The following ZIK1 variants were observed in gnomAD, a reference collection of about 807,000 sequenced individuals.
ZIK1 encodes the protein zinc finger protein interacting with K protein 1.
In ZIK1, 12 loss-of-function variants were observed where a neutral mutation model predicts 10.7. The observed-to-expected ratio is 1.12, with a 90% CI of 0.72 to 1.81. The LOEUF is 1.81. Ranked by LOEUF, ZIK1 falls within the 40% of genes most tolerant of loss-of-function variation. ZIK1 has a pLI of 0.00. For synonymous variants in ZIK1, 190 were observed against 205.0 expected (o/e 0.93, Z 0.63); for missense variants, 497 against 585.7 (o/e 0.85, Z 1.56).
chr19:57,587,004 G>T (rs1979217513), intron 2 of ZIK1, among the ~76,000 whole-genome samples: 1 of 152,172 alleles, frequency 6.6e-6, no homozygotes, highest in East Asian at 1.9e-4. Context: ...GGCTGGGGAG[G>T]CCTCACAATC....
chr19:57,587,988 G>A (rs1043538043), intron 2 of ZIK1, among the ~76,000 whole-genome samples: 1 of 152,114 alleles, frequency 6.6e-6, no homozygotes, highest in Non-Finnish European at 1.5e-5. Flanking sequence ...CTGACATCAG[G>A]TGATTCTTGG....
chr19:57,588,787 C>A, intron 3 of ZIK1, 122 bp downstream of exon 3: 1 of 1,117,870 alleles, frequency 8.9e-7, no homozygotes, highest in Non-Finnish European at 1.2e-6. Flanking sequence ...AGCCCTAACA[C>A]CTGCTGCCCA....
At position 57,590,702 on chromosome 19, in the gene ZIK1, C is replaced by T. The variant is rs778812357; in HGVS notation, c.891C>T (p.Cys297=). ...ACACCGGAGAAAGGCCTTATGAGTG[C>T]AGCGAATGTGGAAAATTATTTAGAC... is the stretch of plus-strand genomic sequence containing the variant. The part of the protein sequence containing the change: ...RIHTGERPYE[C]SECGKLFRQN... Residue 297 remains cysteine, a synonymous_variant, in exon 4 of 4, where the codon TGC becomes TGT. Coordinates refer to ENST00000597850, the MANE Select transcript of ZIK1 (RefSeq NM_001010879.4). 1.2e-6 allele frequency: 2 copies of T among 1,613,974 alleles called. No homozygotes were observed. The highest frequency in any genetic ancestry group is 1.6e-4 in the Middle Eastern group (1 of 6,062).
In ZIK1 at chr19:57,590,450, A is replaced by G. The variant is rs1979568945; in HGVS notation, c.639A>G (p.Ser213=). ...DIRSQKSHYK[S]GECGKASRHK... is the part of the protein sequence containing the mutation. ...GCAGTCAAAAAAGTCATTACAAGTC[A>G]GGTGAATGTGGGAAGGCTTCCAGGC... Residue 213 remains serine (S), a synonymous_variant, in exon 4 of 4, where the codon TCA becomes TCG. Transcript: ENST00000597850. 6.2e-7 allele frequency: 1 copy of G among 1,614,058 alleles called. No individual in the cohort carries two copies. The highest frequency in any genetic ancestry group is 1.3e-5 in the African/African-American group (1 of 74,934).
rs185241277 is a variant in ZIK1, at chr19:57,585,856, A to G, written c.72+866A>G. On this transcript the variant is annotated intron_variant, in intron 2 of 3. Transcript: ENST00000597850. ...CCTGAGTAGTTGGGACTACAGGCAC[A>G]TGCTACCGTGCTACCATGCCCAGCG... 3.2e-3 allele frequency among the ~76,000 whole-genome samples: 473 copies of G among 149,930 alleles called. 3 individuals carry two copies. The highest frequency in any genetic ancestry group is 0.011 in the African/African-American group (455 of 40,798).
rs746729246 is a variant in ZIK1, at chr19:57,591,121, G to A, written c.1310G>A (p.Cys437Tyr). ...CATACTGGAGCAAGGCCTTATGAGT[G>A]TGGCCAGTGTGGAAAGTCCTTTAGC... is the stretch of plus-strand genomic sequence containing the variant. ...RIHTGARPYE[C>Y]GQCGKSFSQK... is the part of the protein sequence containing the mutation. Residue 437 changes from cysteine (C) to tyrosine (Y), a missense_variant, in exon 4 of 4, where the codon TGT becomes TAT. Coordinates refer to ENST00000597850, the MANE Select transcript of ZIK1 (RefSeq NM_001010879.4). 8.7e-6 allele frequency: 14 copies of A among 1,614,166 alleles called. No individual in the cohort carries two copies. In the South Asian group the frequency reaches 1.5e-4, roughly 18 times the overall value.
At chr19:57,588,493 C>T in intron 2 of ZIK1, 46 bp from the exon 3 acceptor site, 2 of 1,394,084 alleles carry the variant, frequency 1.4e-6, no homozygotes, top group Admixed American at 2.5e-5. Context: ...GGTGGATGAA[C>T]TTGTGGAGGC....
At position 57,590,165 on chromosome 19, in the gene ZIK1, C is replaced by T. The variant is rs1409090020; in HGVS notation, c.354C>T (p.Leu118=). The change falls in exon 4 of 4, where the codon CTC becomes CTT. Residue 118 remains leucine (L), a synonymous_variant. Transcript: ENST00000597850. ...AAGATATTTTGCATCTAGCTGATCT[C>T]CCTGGGCAGAAACCATACTTGGTTG... ...VLKDILHLAD[L]PGQKPYLVGE... is the part of the protein sequence containing the mutation. 1 of 1,614,184 alleles carries T rather than the reference C, an allele frequency of 6.2e-7. No individual in the cohort carries two copies. Among genetic ancestry groups the T allele is most frequent in the Non-Finnish European group, 8.5e-7 (1 of 1,180,040 alleles).
chr19:57,590,648 C>T lies in ZIK1; in HGVS notation c.837C>T (p.Thr279=), dbSNP rs1276186091. The stretch of plus-strand genomic sequence containing the variant: ...AATGTGGAAAATTCTTTAGCCAAAC[C>T]TCCCACCTGAATGATCATCGGAGAA... ...CNECGKFFSQ[T]SHLNDHRRIH... The change falls in exon 4 of 4, where the codon ACC becomes ACT. Residue 279 remains threonine (T), a synonymous_variant. Transcript: ENST00000597850. 2.5e-6 allele frequency: 4 copies of T among 1,614,028 alleles called. No individual in the cohort carries two copies. The highest frequency in any genetic ancestry group is 3.4e-6 in the Non-Finnish European group (4 of 1,180,002).
At position 57,584,262 on chromosome 19, in the gene ZIK1, G is replaced by A. The variant is rs951441160; in HGVS notation, c.-95G>A. 40 of 1,510,974 alleles carry A rather than the reference G, an allele frequency of 2.6e-5. No homozygotes were observed. Among genetic ancestry groups the A allele is most frequent in the Non-Finnish European group, 3.4e-5 (38 of 1,128,600 alleles). The allele number at this position is 1,510,974 out of a possible 1,614,324, so 93.6% of individuals were successfully genotyped here. On this transcript the variant is annotated 5_prime_UTR_variant, in exon 1 of 4. Transcript: ENST00000597850. ...GGGGTCCTCCCGCTGAACAGTGGGG[G>A]TTCTAAGGGTCGGCGGCGGCGGGGT...
In ZIK1 at chr19:57,591,023, A is replaced by G. The variant is rs746618949; in HGVS notation, c.1212A>G (p.Glu404=). Residue 404 remains glutamate (E), a synonymous_variant, in exon 4 of 4, where the codon GAA becomes GAG. Transcript: ENST00000597850. ...LIKHQRVHTG[E]RPYKCGDCGK... ...AACACCAGAGAGTTCACACTGGAGA[A>G]AGGCCTTATAAGTGTGGTGACTGTG... 1.2e-6 allele frequency: 2 copies of G among 1,614,016 alleles called. No individual in the cohort carries two copies. The highest frequency in any genetic ancestry group is 3.3e-5 in the Admixed American group (2 of 59,988).
rs1979732353 is a variant in ZIK1, at chr19:57,591,965, G to A, written c.*690G>A. Reference sequence around the variant, plus strand: ...CAGAGTAATTCTAATTCTGGTTTTGGTCATACTTGCTTTGCTACCTAAAAT... The same window carrying A: ...CAGAGTAATTCTAATTCTGGTTTTGATCATACTTGCTTTGCTACCTAAAAT... On this transcript the variant is annotated 3_prime_UTR_variant, in exon 4 of 4. Coordinates refer to ENST00000597850, the MANE Select transcript of ZIK1 (RefSeq NM_001010879.4). 1 of 152,148 alleles carries A rather than the reference G, an allele frequency of 6.6e-6. No individual in the cohort carries two copies. The highest frequency in any genetic ancestry group is 2.4e-5 in the African/African-American group (1 of 41,402). The allele number at this position is 152,148 out of a possible 1,614,324, so 9.4% of individuals were successfully genotyped here.
rs907759192 is a variant in ZIK1, at chr19:57,585,083, A to G, written c.72+93A>G. Reference sequence around the variant, plus strand: ...TTGCCACCATCCAGTTCTTTGACCTAAGGACTCTTCACAAACTGGAAGCTT... The same window carrying G: ...TTGCCACCATCCAGTTCTTTGACCTGAGGACTCTTCACAAACTGGAAGCTT... On this transcript the variant is annotated intron_variant, in intron 2 of 3. Coordinates refer to ENST00000597850, the MANE Select transcript of ZIK1 (RefSeq NM_001010879.4). The G allele has an allele frequency of 1.4e-5, 17 of 1,249,278 alleles. No homozygotes were observed. In the African/African-American group the frequency reaches 2.4e-4, roughly 18 times the overall value. 77.4% of individuals were successfully genotyped at this position (1,249,278 alleles called of 1,614,324 possible).
intron 2 of ZIK1, among the ~76,000 whole-genome samples, chr19:57,586,830 A>G (rs912106152): frequency 6.6e-6 from 1 of 152,148 alleles, no homozygotes; most frequent in Non-Finnish European, 1.5e-5. Flanking sequence ...CCTGTTCCCC[A>G]ATTCCAAAAT....
In ZIK1 at chr19:57,590,615, G is replaced by T. The variant is rs770771415; in HGVS notation, c.804G>T (p.Glu268Asp). 3 of 1,614,250 alleles carry T rather than the reference G, an allele frequency of 1.9e-6. No individual in the cohort carries two copies. In the Admixed American group the frequency reaches 5.0e-5, roughly 27 times the overall value. ...TCCATACTGGAGAAAGGCCTTGGGA[G>T]TGCAATGAATGTGGAAAATTCTTTA... ...QRVHTGERPW[E>D]CNECGKFFSQ... Residue 268 changes from glutamate to aspartate, a missense_variant, in exon 4 of 4, where the codon GAG (glutamate) becomes GAT (aspartate). Physicochemically the swap from Glu to Asp is conservative, Grantham distance 45 (BLOSUM62 2). Transcript: ENST00000597850.
intron 1 of ZIK1, 179 bp downstream of exon 1, chr19:57,584,568 A>T: frequency 2.1e-6 from 3 of 1,402,650 alleles, no homozygotes; most frequent in Middle Eastern, 1.9e-4. Flanking sequence ...GCGTTTCTAA[A>T]CTCTTGGAGA....
chr19:57,589,313 C>CG (rs1979449985), intron 3 of ZIK1: 1 of 985,232 alleles, frequency 1.0e-6, no homozygotes, highest in African/African-American at 1.7e-5. Flanking sequence ...GCATGATATC[C>CG]GGGCTGTTTT....
intron 2 of ZIK1, among the ~76,000 whole-genome samples, 155 bp from the exon 3 acceptor site, chr19:57,588,384 G>T (rs1293329509): frequency 1.3e-5 from 2 of 152,140 alleles, no homozygotes; most frequent in African/African-American, 4.8e-5. Context: ...CTCCTGGTTG[G>T]TGCTGTAGAA....
chr19:57,585,521 G>T (rs572779700), intron 2 of ZIK1, among the ~76,000 whole-genome samples: 2 of 152,268 alleles, frequency 1.3e-5, no homozygotes, highest in South Asian at 4.1e-4. Flanking sequence ...CACCAGTGTG[G>T]TGGCTGTGAA....
Sources: allele counts gnomAD v4.1 joint callset (sites outside exome capture counted in the v4.1 genomes callset), GRCh38; gene constraint gnomAD v4.1.1; transcripts MANE v1.5; gene names NCBI Gene and HGNC (gene_info 2026-07-23, HGNC 2026-07-21).